The following CEP126 variants were observed in gnomAD, a reference collection of about 807,000 sequenced individuals.
The protein encoded by CEP126 is centrosomal protein 126.
In CEP126, 74 loss-of-function variants were observed where a neutral mutation model predicts 107.8. The ratio of observed to expected loss-of-function variants is 0.69; its 90% CI spans 0.57 to 0.83. The LOEUF (loss-of-function observed/expected upper bound fraction) is 0.83. Among genes scored for constraint, CEP126 ranks in the 40% least tolerant of loss-of-function variants. The probability of loss-of-function intolerance (pLI) is 0.00; values close to 1 mark genes in which losing one functional copy is unlikely to be tolerated. For missense variants in CEP126, 1,237 were observed against 1,281.9 expected, an observed-to-expected ratio of 0.96 and a Z score of 0.53; for synonymous variants, 449 against 446.0, an observed-to-expected ratio of 1.01 and a Z score of -0.08.
At chr11:101,990,584 G>C (rs1941367438) in intron 9 of CEP126, among the ~76,000 whole-genome samples, 1 of 152,158 alleles carries the variant, frequency 6.6e-6, no homozygotes, top group African/African-American at 2.4e-5. Context: ...TCATGGGAAG[G>C]AGGAGCAGGA....
At chr11:101,935,917 A>G (rs1940571349) in intron 2 of CEP126, among the ~76,000 whole-genome samples, 1 of 152,076 alleles carries the variant, frequency 6.6e-6, no homozygotes, top group Admixed American at 6.5e-5. Context: ...GATCCACTTG[A>G]GGGGGAAGGG....
At chr11:101,967,236 T>G (rs150294608) in intron 6 of CEP126, among the ~76,000 whole-genome samples, 4,323 of 151,996 alleles carry the variant, frequency 0.028, 125 homozygotes, top group African/African-American at 0.077. Context: ...AGGCTGGTCT[T>G]GAACTCCTGG....
chr11:101,955,894 TC>T (rs1191769395), intron 4 of CEP126: 1 of 456,336 alleles, frequency 2.2e-6, no homozygotes, highest in South Asian at 1.5e-5. Flanking sequence ...TCCAAATTCT[TC>T]CTAGCTACCC....
intron 5 of CEP126, among the ~76,000 whole-genome samples, chr11:101,961,448 G>T (rs1272654423): frequency 1.3e-5 from 2 of 151,898 alleles, no homozygotes; most frequent in Non-Finnish European, 2.9e-5. Context: ...ACTCTAAATG[G>T]AATAGCAATA....
intron 6 of CEP126, among the ~76,000 whole-genome samples, chr11:101,975,940 C>T (rs1326016758): frequency 6.6e-6 from 1 of 152,152 alleles, no homozygotes; most frequent in Admixed American, 6.6e-5. Context: ...CTGCATAGTA[C>T]TCCATGTTGT....
At chr11:101,973,495 AAC>A (rs1941156822) in intron 6 of CEP126, among the ~76,000 whole-genome samples, 2 of 152,270 alleles carry the variant, frequency 1.3e-5, no homozygotes, top group Non-Finnish European at 2.9e-5. Flanking sequence ...GGAGGGGAAT[AAC>A]ACACACTAGA....
At chr11:101,958,750 C>T (rs1247076684) in intron 5 of CEP126, among the ~76,000 whole-genome samples, 1 of 152,190 alleles carries the variant, frequency 6.6e-6, no homozygotes, top group Non-Finnish European at 1.5e-5. Flanking sequence ...GATTTTCCTA[C>T]ATGTCCATCC....
At chr11:101,938,679 T>A (rs1394599213) in intron 2 of CEP126, among the ~76,000 whole-genome samples, 1 of 152,096 alleles carries the variant, frequency 6.6e-6, no homozygotes, top group Non-Finnish European at 1.5e-5. Flanking sequence ...AGACACCCCC[T>A]TCTCTACAAA....
intron 9 of CEP126, among the ~76,000 whole-genome samples, chr11:101,989,124 C>T (rs1941346933): frequency 6.6e-6 from 1 of 152,100 alleles, no homozygotes; most frequent in Admixed American, 6.5e-5. Flanking sequence ...ACCATATCCT[C>T]TAACCACAAT....
At position 101,978,371 on chromosome 11, in the gene CEP126, G is replaced by A. The variant is rs77742850; in HGVS notation, c.2870G>A (p.Arg957Gln). The part of the protein sequence containing the change: ...ATGSTVMRRK[R>Q]IAETKRRNIL... ...GGGTCTACTGTTATGAGAAGAAAACGAATTGCTGAAACTAAGCGGAGAAAT... is the reference window on the plus strand; with the variant it reads ...GGGTCTACTGTTATGAGAAGAAAACAAATTGCTGAAACTAAGCGGAGAAAT... Residue 957 changes from arginine to glutamine, a missense_variant, in exon 7 of 11, where the codon CGA (arginine) becomes CAA (glutamine). Coordinates refer to ENST00000263468, the MANE Select transcript of CEP126 (RefSeq NM_020802.4). 4.1e-5 allele frequency: 66 copies of A among 1,613,142 alleles called. No individual in the cohort carries two copies. In the African/African-American group the frequency reaches 5.3e-4, roughly 13 times the overall value.
In CEP126 at chr11:101,963,871, A is replaced by T. The variant is rs752783324; in HGVS notation, c.2836A>T (p.Arg946Trp). 3.1e-6 allele frequency: 5 copies of T among 1,589,324 alleles called. No homozygotes were observed. The highest frequency in any genetic ancestry group is 4.3e-6 in the Non-Finnish European group (5 of 1,167,140). The change falls in exon 6 of 11, where the codon AGG (arginine) becomes TGG (tryptophan). Residue 946 changes from arginine to tryptophan, a missense_variant. This residue lies in a region of CEP126 where 1,134 missense variants were observed against 1,150.5 expected (regional missense o/e 0.99). Transcript: ENST00000263468. ...TCCTAATGTCCTGCATCAAAATAAGAGGGCTACAGGTAAGAATAAATTTAT... is the reference window on the plus strand; with the variant it reads ...TCCTAATGTCCTGCATCAAAATAAGTGGGCTACAGGTAAGAATAAATTTAT... ...RGPNVLHQNK[R>W]ATGSTVMRRK...
At chr11:101,956,844 ATCC>A (rs1207007424) in intron 4 of CEP126, 2 of 393,250 alleles carry the variant, frequency 5.1e-6, no homozygotes, top group Admixed American at 6.5e-5. Flanking sequence ...CACCCCTTCA[ATCC>A]TCCTCATTGG....
chr11:101,998,577 T>C lies in CEP126; in HGVS notation c.*934T>C, dbSNP rs1055159803. ...CACTGCACACCAGCCTGGGTGACAG[T>C]GTGAGACCCAGCCTCAAAAAAAAAA... On this transcript the variant is annotated 3_prime_UTR_variant, in exon 11 of 11. Coordinates refer to ENST00000263468, the MANE Select transcript of CEP126 (RefSeq NM_020802.4). 3.8e-5 allele frequency: 3 copies of C among 79,812 alleles called. No individual in the cohort carries two copies. Among genetic ancestry groups the C allele is most frequent in the Admixed American group, 2.0e-4 (1 of 5,086 alleles). The allele number at this position is 79,812 out of a possible 1,614,324, so 4.9% of individuals were successfully genotyped here.
rs74317380 is a variant in CEP126, at chr11:101,970,840, C to T, written c.2845+6960C>T. Among the ~76,000 whole-genome samples the T allele has an allele frequency of 4.3e-3, 659 of 152,252 alleles. 12 individuals are homozygous for T. Among genetic ancestry groups the T allele is most frequent in the African/African-American group, 0.015 (627 of 41,566 alleles). On this transcript the variant is annotated intron_variant, in intron 6 of 10. Coordinates refer to ENST00000263468, the MANE Select transcript of CEP126 (RefSeq NM_020802.4). ...ATCTGTGAGGTAAATAATATTCTTACGCCCATTTTATAGATGAGGAAACTG... is the reference window on the plus strand; with the variant it reads ...ATCTGTGAGGTAAATAATATTCTTATGCCCATTTTATAGATGAGGAAACTG...
chr11:101,983,488 C>G (rs1339125266), intron 8 of CEP126, among the ~76,000 whole-genome samples: 1 of 152,110 alleles, frequency 6.6e-6, no homozygotes, highest in East Asian at 1.9e-4. Context: ...ATGAAACAAG[C>G]AAAGATCTAT....
At position 101,962,151 on chromosome 11, in the gene CEP126, T is replaced by C. The variant is rs765676576; in HGVS notation, c.1116T>C (p.Ser372=). 1.2e-6 allele frequency: 2 copies of C among 1,613,164 alleles called. No homozygotes were observed. Among genetic ancestry groups the C allele is most frequent in the East Asian group, 2.2e-5 (1 of 44,878 alleles). The change falls in exon 6 of 11, where the codon TCT becomes TCC. Residue 372 remains serine (S), a synonymous_variant. Transcript: ENST00000263468. Reference sequence around the variant, plus strand: ...CTAATAATTCAGTACCCTTTGTATCTAGCCCACCCATGTTTGTACTAGATA... The same window carrying C: ...CTAATAATTCAGTACCCTTTGTATCCAGCCCACCCATGTTTGTACTAGATA... The part of the protein sequence containing the change: ...NTANNSVPFV[S]SPPMFVLDKK...
chr11:101,960,148 G>A (rs1940952376), intron 5 of CEP126, among the ~76,000 whole-genome samples: 1 of 145,490 alleles, frequency 6.9e-6, no homozygotes, highest in Admixed American at 6.9e-5. Flanking sequence ...TTACATGCAG[G>A]GCAATAAAGA....
chr11:101,992,742 C>T (rs1362584638), intron 9 of CEP126, 36 bp from the exon 10 acceptor site: 1 of 1,121,884 alleles, frequency 8.9e-7, no homozygotes, highest in Non-Finnish European at 1.3e-6. Context: ...ATATATGTAA[C>T]TAAATTATTT....
Position 101,937,755 on chromosome 11 carries a change from G to GT in CEP126, c.249-6502dup, listed in dbSNP as rs202207595. On this transcript the variant is annotated intron_variant, in intron 2 of 10. Coordinates refer to ENST00000263468, the MANE Select transcript of CEP126 (RefSeq NM_020802.4). The stretch of plus-strand genomic sequence containing the variant: ...AAATTATAATATATCTGAACCTAGA[G>GT]TTTTTTTTGTGGGAAACTTATTAAT... Among the ~76,000 whole-genome samples, 489 of 151,878 alleles carry GT rather than the reference G, an allele frequency of 3.2e-3. 4 individuals are homozygous for GT. The highest frequency in any genetic ancestry group is 3.9e-3 in the Non-Finnish European group (262 of 67,928).
Sources: gnomAD v4.1 joint callset for allele counts (sites outside exome capture counted in the v4.1 genomes callset) on GRCh38, gnomAD v4.1.1 for gene constraint, gnomAD v4.1.1 regional missense constraint, MANE v1.5 for transcripts, NCBI Gene and HGNC (gene_info 2026-07-23, HGNC 2026-07-21) for gene names.